UVRAG: variants seen among roughly 807,000 people sequenced by gnomAD.
The protein encoded by UVRAG is UV radiation resistance associated, also known as UV radiation resistance-associated gene protein.
A neutral mutation model predicts 78.0 loss-of-function variants in UVRAG; 19 were observed. The ratio of observed to expected loss-of-function variants is 0.24; its 90% CI spans 0.17 to 0.36. The LOEUF (loss-of-function observed/expected upper bound fraction) is 0.36. Among genes scored for constraint, UVRAG ranks in the 10% least tolerant of loss-of-function variants. The pLI is 1.00. For missense variants in UVRAG, 740 were observed against 853.8 expected, an observed-to-expected ratio of 0.87 and a Z score of 1.66; for synonymous variants, 323 against 324.6, an observed-to-expected ratio of 1.00 and a Z score of 0.05.
At chr11:75,976,608 G>C (rs1949246507) in intron 7 of UVRAG, among the ~76,000 whole-genome samples, 1 of 152,102 alleles carries the variant, frequency 6.6e-6, no homozygotes, top group Non-Finnish European at 1.5e-5. Context: ...TGGTGTATGT[G>C]TCCAGGAATG....
intron 7 of UVRAG, among the ~76,000 whole-genome samples, chr11:75,982,941 G>A (rs1226474411): frequency 6.6e-6 from 1 of 151,946 alleles, no homozygotes; most frequent in Non-Finnish European, 1.5e-5. Flanking sequence ...TATGTCGTTC[G>A]GCTATTATGA....
At chr11:76,123,992 C>T (rs935166273) in intron 14 of UVRAG, among the ~76,000 whole-genome samples, 4 of 151,978 alleles carry the variant, frequency 2.6e-5, no homozygotes, top group Admixed American at 2.6e-4. Context: ...TCTCGAACTC[C>T]TGACCTCGTG....
At chr11:76,050,805 A>G (rs924352781) in intron 12 of UVRAG, among the ~76,000 whole-genome samples, 3 of 152,238 alleles carry the variant, frequency 2.0e-5, no homozygotes, top group Non-Finnish European at 4.4e-5. Flanking sequence ...TTTCACAGCA[A>G]TCCTTAAAGA....
chr11:75,937,999 A>G (rs1236462741), intron 6 of UVRAG, among the ~76,000 whole-genome samples: 1 of 152,038 alleles, frequency 6.6e-6, no homozygotes, highest in Non-Finnish European at 1.5e-5. Context: ...TTAGTATATC[A>G]TCAGGTTTAC....
At chr11:76,082,408 C>T (rs1565153068) in intron 13 of UVRAG, among the ~76,000 whole-genome samples, 1 of 151,684 alleles carries the variant, frequency 6.6e-6, no homozygotes, top group South Asian at 2.1e-4. Flanking sequence ...GGCGTGGTGT[C>T]GGGCGCCTGT....
chr11:76,067,443 T>C (rs971238306), intron 13 of UVRAG, among the ~76,000 whole-genome samples: 3 of 152,186 alleles, frequency 2.0e-5, no homozygotes, highest in Admixed American at 6.5e-5. Flanking sequence ...AGGCAGTGCT[T>C]AAACAGAACT....
chr11:75,836,514 C>T (rs1487267477), intron 1 of UVRAG, among the ~76,000 whole-genome samples: 1 of 152,168 alleles, frequency 6.6e-6, no homozygotes, highest in Admixed American at 6.5e-5. Flanking sequence ...TTTCAAACTT[C>T]CCATGTTCTC....
intron 14 of UVRAG, among the ~76,000 whole-genome samples, chr11:76,140,082 C>T (rs1421697628): frequency 3.5e-4 from 2 of 5,754 alleles, no homozygotes; most frequent in Non-Finnish European, 6.1e-4. Flanking sequence ...TCCCTCCCTC[C>T]CCCTCTCCCC....
intron 8 of UVRAG, among the ~76,000 whole-genome samples, chr11:75,985,168 T>C (rs1339245508): frequency 6.6e-6 from 1 of 151,410 alleles, no homozygotes; most frequent in African/African-American, 2.4e-5. Flanking sequence ...TTTTTTTTTT[T>C]TGTATATTTT....
chr11:76,132,585 A>G (rs1952531460), intron 14 of UVRAG, among the ~76,000 whole-genome samples: 1 of 152,106 alleles, frequency 6.6e-6, no homozygotes, highest in Non-Finnish European at 1.5e-5. Context: ...TTAAAGCCTC[A>G]CCCCAGCTTC....
In UVRAG at chr11:76,142,550, T is replaced by TA; in HGVS notation, c.*1138dup. 6.5e-6 allele frequency: 1 copy of TA among 152,796 alleles called. No homozygotes were observed. Among genetic ancestry groups the TA allele is most frequent in the South Asian group, 2.1e-4 (1 of 4,834 alleles). The allele number at this position is 152,796 out of a possible 1,614,324, so 9.5% of individuals were successfully genotyped here. On this transcript the variant is annotated 3_prime_UTR_variant, in exon 15 of 15. Transcript: ENST00000356136. ...TTTCATTTGCTGTTGCTTTATACGTTACGTACCCAAGGACATTGCCTCAGG... is the reference window on the plus strand; with the variant it reads ...TTTCATTTGCTGTTGCTTTATACGTTAACGTACCCAAGGACATTGCCTCAGG...
chr11:75,909,796 G>C (rs1947695440), intron 5 of UVRAG, among the ~76,000 whole-genome samples: 1 of 152,070 alleles, frequency 6.6e-6, no homozygotes, highest in Non-Finnish European at 1.5e-5. Flanking sequence ...GGTTCAATTT[G>C]CTGATATTTC....
In UVRAG at chr11:76,032,453, A is replaced by G. The variant is rs144732183; in HGVS notation, c.1226+15473A>G. Among the ~76,000 whole-genome samples the G allele has an allele frequency of 2.7e-3, 412 of 152,324 alleles. 2 individuals carry two copies. Among genetic ancestry groups the G allele is most frequent in the Middle Eastern group, 6.8e-3 (2 of 294 alleles). On this transcript the variant is annotated intron_variant, in intron 12 of 14. Coordinates refer to ENST00000356136, the MANE Select transcript of UVRAG (RefSeq NM_003369.4). ...AACTGATATAACATTTAATTCATAT[A>G]TAGTTAAATCATAAGAGAGTTCAGT...
chr11:76,007,384 C>G lies in UVRAG; in HGVS notation c.912-150C>G. ...CTATTTGGAGATAGGTCAAGACTTA[C>G]GGTAACTATTATTTATGCTTCTACT... On this transcript the variant is annotated intron_variant, in intron 9 of 14. Coordinates refer to ENST00000356136, the MANE Select transcript of UVRAG (RefSeq NM_003369.4). 3 of 617,360 alleles carry G rather than the reference C, an allele frequency of 4.9e-6. No homozygotes were observed. The East Asian group carries it at 8.6e-5, about 18-fold the overall frequency. The allele number at this position is 617,360 out of a possible 1,614,324, so 38.2% of individuals were successfully genotyped here.
intron 8 of UVRAG, among the ~76,000 whole-genome samples, chr11:75,986,322 CTT>C (rs1949500712): frequency 6.6e-6 from 1 of 151,874 alleles, no homozygotes; most frequent in African/African-American, 2.4e-5. Context: ...TTGTACATAT[CTT>C]TAAATCTTAT....
At chr11:75,879,320 C>G (rs889976341) in intron 3 of UVRAG, among the ~76,000 whole-genome samples, 1 of 152,168 alleles carries the variant, frequency 6.6e-6, no homozygotes, top group Non-Finnish European at 1.5e-5. Flanking sequence ...CCTCTGAGCC[C>G]TTTTCATATT....
At chr11:75,828,793 A>G (rs1945588383) in intron 1 of UVRAG, among the ~76,000 whole-genome samples, 1 of 95,050 alleles carries the variant, frequency 1.1e-5, no homozygotes, top group African/African-American at 4.4e-5. Flanking sequence ...ATATATATAT[A>G]TATATATATA....
intron 5 of UVRAG, among the ~76,000 whole-genome samples, chr11:75,905,283 A>G (rs1947590395): frequency 6.6e-6 from 1 of 152,130 alleles, no homozygotes; most frequent in African/African-American, 2.4e-5. Context: ...CCATTTTTTA[A>G]AATTGAAGTG....
intron 13 of UVRAG, among the ~76,000 whole-genome samples, chr11:76,108,482 G>T (rs1417910759): frequency 6.6e-6 from 1 of 152,158 alleles, no homozygotes; most frequent in Non-Finnish European, 1.5e-5. Context: ...TTATCAAGCT[G>T]CATGAACTAG....
Sources: gnomAD v4.1 joint callset for allele counts (sites outside exome capture counted in the v4.1 genomes callset) on GRCh38, gnomAD v4.1.1 for gene constraint, MANE v1.5 for transcripts, NCBI Gene and HGNC (gene_info 2026-07-23, HGNC 2026-07-21) for gene names.